Variants in DLG2 observed in about 807,000 individuals in gnomAD.
DLG2 encodes discs large MAGUK scaffold protein 2, also known as disks large homolog 2.
A neutral mutation model predicts 132.5 loss-of-function variants in DLG2; 45 were observed. That is an observed-to-expected ratio of 0.34 (90% CI 0.27 to 0.44). DLG2 has a LOEUF of 0.44. DLG2 is among the 20% of genes least tolerant of loss of function. The pLI, the probability that DLG2 is intolerant of heterozygous loss-of-function variation, is 1.00. For synonymous variants in DLG2, 424 were observed against 419.6 expected (o/e 1.01, Z -0.13); for missense variants, 1,045 against 1,196.9 (o/e 0.87, Z 1.87).
intron 16 of DLG2, among the ~76,000 whole-genome samples, chr11:83,866,336 G>C (rs186023793): frequency 6.6e-6 from 1 of 152,260 alleles, no homozygotes; most frequent in East Asian, 1.9e-4. Flanking sequence ...GTTTGGGACA[G>C]ATAAAATCTT....
chr11:84,663,772 G>A (rs141301512), intron 6 of DLG2, among the ~76,000 whole-genome samples: 1 of 152,238 alleles, frequency 6.6e-6, no homozygotes, highest in Admixed American at 6.5e-5. Context: ...CTGAGGTTCT[G>A]TCATCCTTAT....
intron 10 of DLG2, among the ~76,000 whole-genome samples, chr11:84,071,379 A>G (rs2096754329): frequency 6.6e-6 from 1 of 152,040 alleles, no homozygotes; most frequent in South Asian, 2.1e-4. Context: ...TGCTGGGATT[A>G]CAGGCGCGAG....
At chr11:84,611,177 G>A (rs2099594977) in intron 6 of DLG2, among the ~76,000 whole-genome samples, 1 of 152,172 alleles carries the variant, frequency 6.6e-6, no homozygotes, top group Admixed American at 6.5e-5. Flanking sequence ...TGAGGCCAAG[G>A]ACCATGTGTT....
intron 6 of DLG2, among the ~76,000 whole-genome samples, chr11:84,585,510 T>G (rs1015012024): frequency 2.0e-5 from 3 of 152,226 alleles, no homozygotes; most frequent in Admixed American, 1.3e-4. Flanking sequence ...TCTCCTCATG[T>G]ACATTTCCAT....
rs369420160 is a variant in DLG2 at position 84,848,031 on chromosome 11, T to C, written c.357+263630A>G. Among the ~76,000 whole-genome samples, 33 of 152,174 alleles carry C rather than the reference T, an allele frequency of 2.2e-4. No individual in the cohort carries two copies. In the East Asian group the frequency reaches 6.4e-3, roughly 29 times the overall value. ...AACTGTAAACATTGGTCATTTTTTA[T>C]GGAAAAGTGAAAATGAGTCAGAGGA... On this transcript the variant is annotated intron_variant, in intron 6 of 27. Coordinates refer to ENST00000376104, the MANE Select transcript of DLG2 (RefSeq NM_001142699.3).
At chr11:85,566,182 A>G (rs2077516098) in intron 3 of DLG2, among the ~76,000 whole-genome samples, 1 of 152,116 alleles carries the variant, frequency 6.6e-6, no homozygotes, top group Non-Finnish European at 1.5e-5. Context: ...AAATTTGCCA[A>G]TTTTTAATTG....
chr11:83,660,863 C>T (rs1044636944), intron 18 of DLG2, among the ~76,000 whole-genome samples: 2 of 152,070 alleles, frequency 1.3e-5, no homozygotes, highest in African/African-American at 2.4e-5. Context: ...TCCCTCATCT[C>T]ATCTCTCCCC....
intron 6 of DLG2, among the ~76,000 whole-genome samples, chr11:84,929,670 A>G (rs554627288): frequency 6.6e-6 from 1 of 152,244 alleles, no homozygotes; most frequent in South Asian, 2.1e-4. Context: ...TTTCTTATAG[A>G]GAAATTGCGT....
chr11:85,076,227 G>A (rs2066528316), intron 6 of DLG2, among the ~76,000 whole-genome samples: 2 of 151,886 alleles, frequency 1.3e-5, no homozygotes, highest in South Asian at 4.1e-4. Flanking sequence ...ACATATGAAG[G>A]AATCACAGTA....
intron 14 of DLG2, among the ~76,000 whole-genome samples, chr11:83,932,348 C>T (rs560367318): frequency 6.6e-6 from 1 of 152,114 alleles, no homozygotes; most frequent in African/African-American, 2.4e-5. Flanking sequence ...CATTCTCCTG[C>T]CCCAGCCTCC....
At chr11:83,747,324 C>A (rs2092992408) in intron 18 of DLG2, among the ~76,000 whole-genome samples, 1 of 113,616 alleles carries the variant, frequency 8.8e-6, no homozygotes, top group African/African-American at 3.1e-5. Flanking sequence ...TCCTTCCTTC[C>A]TTCCTGCCTT....
intron 11 of DLG2, among the ~76,000 whole-genome samples, chr11:84,050,520 TA>T (rs1459752929): frequency 1.3e-5 from 2 of 152,056 alleles, no homozygotes; most frequent in Admixed American, 6.6e-5. Context: ...CTCTTTAGTT[TA>T]ATGAGATCCC....
chr11:84,313,088 C>T (rs1177405158), intron 7 of DLG2, among the ~76,000 whole-genome samples: 5 of 152,210 alleles, frequency 3.3e-5, no homozygotes, highest in Admixed American at 6.5e-5. Context: ...GGATTACAGG[C>T]GTGAGTCACT....
At chr11:85,288,819 G>T (rs1454582824) in intron 3 of DLG2, among the ~76,000 whole-genome samples, 1 of 151,946 alleles carries the variant, frequency 6.6e-6, no homozygotes, top group Non-Finnish European at 1.5e-5. Context: ...CGTTTTATAG[G>T]ATATAAACAG....
intron 6 of DLG2, among the ~76,000 whole-genome samples, chr11:84,867,998 C>T (rs916871785): frequency 1.3e-5 from 2 of 151,744 alleles, no homozygotes; most frequent in African/African-American, 4.8e-5. Flanking sequence ...GGCGTGAACC[C>T]GGGCGGCGGA....
intron 3 of DLG2, among the ~76,000 whole-genome samples, chr11:85,360,715 C>T (rs1355084374): frequency 6.6e-6 from 1 of 152,148 alleles, no homozygotes; most frequent in Non-Finnish European, 1.5e-5. Flanking sequence ...ACACTTTCAA[C>T]TTTACTGGAA....
At chr11:84,943,117 G>A (rs1182385834) in intron 6 of DLG2, among the ~76,000 whole-genome samples, 1 of 151,362 alleles carries the variant, frequency 6.6e-6, no homozygotes, top group Non-Finnish European at 1.5e-5. Flanking sequence ...GTTTTATAGG[G>A]GAAACATGTT....
chr11:84,714,170 C>T (rs1352178169), intron 6 of DLG2, among the ~76,000 whole-genome samples: 1 of 133,778 alleles, frequency 7.5e-6, no homozygotes, highest in African/African-American at 3.4e-5. Flanking sequence ...ACACATGTTA[C>T]TATAAAATAA....
chr11:85,221,680 A>G lies in DLG2; in HGVS notation c.186+63540T>C, dbSNP rs141938111. On this transcript the variant is annotated intron_variant, in intron 4 of 27. Transcript: ENST00000376104. ...CATGCGTGTCTTATTTAATATTCAC[A>G]TCAACTTTATAAGAATTATGATCTT... 1.3e-5 allele frequency among the ~76,000 whole-genome samples: 2 copies of G among 152,344 alleles called. 1 individual carries two copies. Among genetic ancestry groups the G allele is most frequent in the East Asian group, 3.9e-4 (2 of 5,174 alleles).
Sources: gnomAD v4.1 joint callset for allele counts (sites outside exome capture counted in the v4.1 genomes callset) on GRCh38, gnomAD v4.1.1 for gene constraint, MANE v1.5 for transcripts, NCBI Gene and HGNC (gene_info 2026-07-23, HGNC 2026-07-21) for gene names.